RPS6KC1: variants seen among roughly 807,000 people sequenced by gnomAD.
RPS6KC1 encodes the protein ribosomal protein S6 kinase C1.
A neutral mutation model predicts 103.8 loss-of-function variants in RPS6KC1; 54 were observed. The observed-to-expected ratio is 0.52, with a 90% CI of 0.42 to 0.65. The LOEUF (loss-of-function observed/expected upper bound fraction) is 0.65. Among genes scored for constraint, RPS6KC1 ranks in the 30% least tolerant of loss-of-function variants. The probability of loss-of-function intolerance (pLI) is 0.00; values close to 1 mark genes in which losing one functional copy is unlikely to be tolerated. For missense variants in RPS6KC1, 1,151 were observed against 1,253.8 expected (o/e 0.92, Z 1.24); for synonymous variants, 439 against 438.7 (o/e 1.00, Z -0.01).
At chr1:213,807,391 A>G in the RPS6KC1 span, among the ~76,000 whole-genome samples, 2 of 152,210 alleles carry the variant, frequency 1.3e-5, no homozygotes, top group Middle Eastern at 3.4e-3. Flanking sequence ...ACTTGGTTCC[A>G]TTCTCCCCGT....
chr1:213,652,329 A>G, the RPS6KC1 span, among the ~76,000 whole-genome samples: 1 of 152,176 alleles, frequency 6.6e-6, no homozygotes, highest in Non-Finnish European at 1.5e-5. Flanking sequence ...CATTTTACAG[A>G]TAAAGTAACT....
the RPS6KC1 span, among the ~76,000 whole-genome samples, chr1:213,694,753 G>A: frequency 1.3e-5 from 2 of 152,228 alleles, no homozygotes; most frequent in South Asian, 2.1e-4. Context: ...TGTTAGAAAG[G>A]AGGAAGAATA....
chr1:213,116,573 G>A (rs1008172590), intron 4 of RPS6KC1, among the ~76,000 whole-genome samples: 7 of 148,302 alleles, frequency 4.7e-5, no homozygotes, highest in African/African-American at 1.8e-4. Flanking sequence ...ATATTGTTAT[G>A]TGTGAATTTG....
intron 6 of RPS6KC1, among the ~76,000 whole-genome samples, chr1:213,138,921 A>T (rs1432872152): frequency 6.6e-6 from 1 of 152,180 alleles, no homozygotes; most frequent in African/African-American, 2.4e-5. Flanking sequence ...TTCTTTGAGG[A>T]ATCTCCAGAC....
At chr1:213,157,938 C>T (rs537453067) in intron 6 of RPS6KC1, among the ~76,000 whole-genome samples, 2 of 152,178 alleles carry the variant, frequency 1.3e-5, no homozygotes, top group South Asian at 2.1e-4. Context: ...TCTGTGGTAA[C>T]TTTTCTTTCT....
the RPS6KC1 span, among the ~76,000 whole-genome samples, chr1:213,811,886 T>C: frequency 6.6e-6 from 1 of 152,230 alleles, no homozygotes; most frequent in Non-Finnish European, 1.5e-5. Context: ...CATATCGAAA[T>C]TCAACCACTG....
the RPS6KC1 span, among the ~76,000 whole-genome samples, chr1:213,801,597 G>T: frequency 6.6e-6 from 1 of 151,388 alleles, no homozygotes; most frequent in African/African-American, 2.4e-5. Flanking sequence ...GGCTGTCATT[G>T]TATGAGACAG....
At chr1:213,544,186 C>T in the RPS6KC1 span, among the ~76,000 whole-genome samples, 1 of 152,066 alleles carries the variant, frequency 6.6e-6, no homozygotes, top group Non-Finnish European at 1.5e-5. Flanking sequence ...GAAGGACTGA[C>T]CTGAGAAAGA....
chr1:213,212,705 T>A (rs1403918718), intron 8 of RPS6KC1, among the ~76,000 whole-genome samples: 1 of 152,250 alleles, frequency 6.6e-6, no homozygotes, highest in Non-Finnish European at 1.5e-5. Context: ...CCAGTAGCAA[T>A]GAATGAAAGT....
chr1:213,366,411 A>C, the RPS6KC1 span, among the ~76,000 whole-genome samples: 3 of 152,234 alleles, frequency 2.0e-5, no homozygotes, highest in Admixed American at 2.0e-4. Context: ...TCGGCCCCAT[A>C]GCAGAGGAAA....
intron 12 of RPS6KC1, among the ~76,000 whole-genome samples, chr1:213,259,035 T>C (rs2094718161): frequency 6.6e-6 from 1 of 152,190 alleles, no homozygotes; most frequent in Admixed American, 6.5e-5. Flanking sequence ...TGACATCAAG[T>C]GAATTCCTTG....
the RPS6KC1 span, among the ~76,000 whole-genome samples, chr1:213,531,168 C>A: frequency 4.6e-5 from 7 of 152,098 alleles, no homozygotes; most frequent in African/African-American, 1.7e-4. Flanking sequence ...AAAGGGAACC[C>A]CGGTTCCCTC....
chr1:213,606,080 T>C, the RPS6KC1 span, among the ~76,000 whole-genome samples: 2 of 152,146 alleles, frequency 1.3e-5, no homozygotes, highest in African/African-American at 4.8e-5. Context: ...GCAAAGGCAA[T>C]TTATTGACAG....
the RPS6KC1 span, among the ~76,000 whole-genome samples, chr1:213,814,685 A>G: frequency 2.0e-5 from 3 of 152,218 alleles, no homozygotes; most frequent in African/African-American, 7.2e-5. Context: ...CTTTACATGC[A>G]TTAACTCATG....
chr1:213,478,784 C>T, the RPS6KC1 span, among the ~76,000 whole-genome samples: 1 of 151,982 alleles, frequency 6.6e-6, no homozygotes, highest in African/African-American at 2.4e-5. Context: ...ATATTTTCTT[C>T]TAGTCTGCAG....
At chr1:213,335,382 G>A in the RPS6KC1 span, among the ~76,000 whole-genome samples, 5,224 of 152,288 alleles carry the variant, frequency 0.034, 295 homozygotes, top group African/African-American at 0.12. Context: ...TAATGTGAAC[G>A]TCCAGGTAGC....
intron 6 of RPS6KC1, among the ~76,000 whole-genome samples, chr1:213,145,756 A>G (rs973395603): frequency 4.6e-5 from 7 of 151,870 alleles, no homozygotes; most frequent in African/African-American, 1.7e-4. Context: ...GTAGGTGTAT[A>G]TATTTATGGG....
At chr1:213,783,211 G>A in the RPS6KC1 span, among the ~76,000 whole-genome samples, 1 of 152,172 alleles carries the variant, frequency 6.6e-6, no homozygotes, top group African/African-American at 2.4e-5. Flanking sequence ...TGCTCTACAA[G>A]CAACCTTGCC....
chr1:213,121,431 T>C (rs1349174058), intron 5 of RPS6KC1, among the ~76,000 whole-genome samples: 1 of 152,246 alleles, frequency 6.6e-6, no homozygotes, highest in Non-Finnish European at 1.5e-5. Context: ...TTACTCTTTA[T>C]CTCCTTTGTT....
Sources: allele counts gnomAD v4.1 joint callset (sites outside exome capture counted in the v4.1 genomes callset), GRCh38; gene constraint gnomAD v4.1.1; transcripts MANE v1.5; gene names NCBI Gene and HGNC (gene_info 2026-07-23, HGNC 2026-07-21).